Variants in ZNF91 observed in about 807,000 individuals in gnomAD.
ZNF91 encodes the protein zinc finger protein 91 (HPF7, HTF10).
Under a neutral mutation model 12.6 loss-of-function variants are expected in ZNF91, and 7 were observed. The observed-to-expected ratio is 0.55, with a 90% CI of 0.31 to 1.04. ZNF91 has a LOEUF of 1.04. ZNF91 is among the 50% of genes least tolerant of loss of function. The probability of loss-of-function intolerance (pLI) is 0.05; values close to 1 mark genes in which losing one functional copy is unlikely to be tolerated. For missense variants in ZNF91, 1,217 were observed against 1,385.4 expected, an observed-to-expected ratio of 0.88 and a Z score of 1.93; for synonymous variants, 453 against 462.6, an observed-to-expected ratio of 0.98 and a Z score of 0.27.
At chr19:23,384,766 G>C in intron 1 of ZNF91, 1 of 637,030 alleles carries the variant, frequency 1.6e-6, no homozygotes, top group East Asian at 2.8e-5. Context: ...TCAGCTCCCC[G>C]GGCATAGTAA....
At chr19:23,366,563 A>T (rs1410044765) in intron 3 of ZNF91, among the ~76,000 whole-genome samples, 1 of 152,222 alleles carries the variant, frequency 6.6e-6, no homozygotes, top group Admixed American at 6.5e-5. Flanking sequence ...CAGACTGTAT[A>T]AAAAGTCTGT....
At chr19:23,346,126 A>G (rs555183728) in intron 3 of ZNF91, among the ~76,000 whole-genome samples, 2 of 152,160 alleles carry the variant, frequency 1.3e-5, no homozygotes, top group Non-Finnish European at 2.9e-5. Flanking sequence ...TCCCTCACTG[A>G]TATCTCTCAA....
chr19:23,350,483 C>T (rs1968335501), intron 3 of ZNF91, among the ~76,000 whole-genome samples: 1 of 152,198 alleles, frequency 6.6e-6, no homozygotes, highest in Admixed American at 6.5e-5. Flanking sequence ...TGGATACCAA[C>T]CCGTCTCTCA....
intron 3 of ZNF91, among the ~76,000 whole-genome samples, chr19:23,366,108 C>T (rs893668024): frequency 2.0e-5 from 3 of 152,190 alleles, no homozygotes; most frequent in Admixed American, 6.5e-5. Flanking sequence ...GGGTGGTGGC[C>T]GGGCAGAGGG....
At chr19:23,378,612 T>C (rs962945920) in intron 1 of ZNF91, among the ~76,000 whole-genome samples, 1 of 152,216 alleles carries the variant, frequency 6.6e-6, no homozygotes, top group Non-Finnish European at 1.5e-5. Context: ...GATAAATAAG[T>C]ATTCTTAGCA....
At chr19:23,384,208 T>C (rs983709311) in intron 1 of ZNF91, among the ~76,000 whole-genome samples, 3 of 152,214 alleles carry the variant, frequency 2.0e-5, no homozygotes, top group Admixed American at 6.5e-5. Flanking sequence ...AGGAAAACCG[T>C]AGAGACTTGG....
At position 23,362,073 on chromosome 19, in the gene ZNF91, A is replaced by G. The variant is rs1968810662; in HGVS notation, c.906T>C (p.Ala302=). 4.3e-6 allele frequency: 7 copies of G among 1,612,432 alleles called. No homozygotes were observed. Among genetic ancestry groups the G allele is most frequent in the Non-Finnish European group, 5.1e-6 (6 of 1,179,484 alleles). ...TAGCAAGGGTTGAAGAATGGCTAAAAGCTTTGCCACATTCTTCACATTTGT... is the reference window on the plus strand; with the variant it reads ...TAGCAAGGGTTGAAGAATGGCTAAAGGCTTTGCCACATTCTTCACATTTGT... ...KPYKCEECGK[A]FSHSSTLAKH... Residue 302 remains alanine, a synonymous_variant, in exon 4 of 4, where the codon GCT becomes GCC. Coordinates refer to ENST00000300619, the MANE Select transcript of ZNF91 (RefSeq NM_003430.4).
chr19:23,372,865 C>T (rs1969341677), intron 3 of ZNF91, among the ~76,000 whole-genome samples: 1 of 152,206 alleles, frequency 6.6e-6, no homozygotes, highest in Admixed American at 6.5e-5. Flanking sequence ...GAAAGCCATG[C>T]TCATCCACAT....
intron 3 of ZNF91, among the ~76,000 whole-genome samples, chr19:23,343,888 A>G (rs1314541717): frequency 1.3e-5 from 2 of 152,160 alleles, no homozygotes; most frequent in African/African-American, 4.8e-5. Flanking sequence ...ATTAAATGTG[A>G]TTGTTTCTGC....
chr19:23,367,039 T>C (rs1441953157), intron 3 of ZNF91, among the ~76,000 whole-genome samples: 1 of 152,200 alleles, frequency 6.6e-6, no homozygotes, highest in Non-Finnish European at 1.5e-5. Flanking sequence ...ATGCCTATAA[T>C]CCCAACACAT....
At chr19:23,344,120 A>G (rs934675415) in intron 3 of ZNF91, among the ~76,000 whole-genome samples, 2 of 152,012 alleles carry the variant, frequency 1.3e-5, no homozygotes, top group South Asian at 4.1e-4. Context: ...TTTGAGATGG[A>G]GTCTCGTTCT....
intron 1 of ZNF91, among the ~76,000 whole-genome samples, chr19:23,319,908 A>G (rs1359870461): frequency 6.6e-6 from 1 of 152,188 alleles, no homozygotes; most frequent in East Asian, 1.9e-4. Context: ...AGGCTCAGGG[A>G]AAAAGGTAAG....
At position 23,382,956 on chromosome 19, in the gene ZNF91, T is replaced by G. The variant is rs983313697; in HGVS notation, c.31-8192A>C. Among the ~76,000 whole-genome samples, 3 of 152,292 alleles carry G rather than the reference T, an allele frequency of 2.0e-5. 1 individual carries two copies. ...TGGTATTATTTCTACTAAAACTATT[T>G]TAAGAAATTAAGAAAAAGTAACTTC... On this transcript the variant is annotated intron_variant, in intron 1 of 3. Transcript: ENST00000300619.
At position 23,374,388 on chromosome 19, in the gene ZNF91, C is replaced by CAAA. The variant is rs34706703; in HGVS notation, c.157+247_157+249dup. On this transcript the variant is annotated intron_variant, in intron 2 of 3. Transcript: ENST00000300619. ...GAAACCCCGTCTCTACTAAAAATAC[C>CAAA]AAAAAAAAAAAAAAAAAAAAAATTA... 2.4e-4 allele frequency among the ~76,000 whole-genome samples: 21 copies of CAAA among 88,222 alleles called. No homozygotes were observed. The East Asian group carries it at 3.7e-3, about 15-fold the overall frequency. The allele number at this position is 88,222 out of a possible 152,430, so 57.9% of individuals were successfully genotyped here.
intron 3 of ZNF91, among the ~76,000 whole-genome samples, chr19:23,305,661 A>G (rs1721835231): frequency 1.3e-5 from 2 of 152,144 alleles, no homozygotes; most frequent in South Asian, 4.1e-4. Flanking sequence ...ACTGGCCAAT[A>G]AGCTCAGCCC....
Position 23,359,390 on chromosome 19 carries a change from T to C in ZNF91, c.*13A>G. 1 of 930,992 alleles carries C rather than the reference T, an allele frequency of 1.1e-6. No individual in the cohort carries two copies. The highest frequency in any genetic ancestry group is 2.6e-5 in the East Asian group (1 of 37,764). The allele number at this position is 930,992 out of a possible 1,614,324, so 57.7% of individuals were successfully genotyped here. ...GGCGCCCGCCACCACGCCCGGCTAA[T>C]TTTTTGTATTTTTTAGTAGAGAAGG... On this transcript the variant is annotated 3_prime_UTR_variant, in exon 4 of 4. Coordinates refer to ENST00000300619, the MANE Select transcript of ZNF91 (RefSeq NM_003430.4).
chr19:23,348,321 G>A (rs745618946), intron 3 of ZNF91, among the ~76,000 whole-genome samples: 1 of 152,178 alleles, frequency 6.6e-6, no homozygotes, highest in Non-Finnish European at 1.5e-5. Context: ...ACCAGCTGAA[G>A]CCGTGGCAGA....
At chr19:23,306,669 T>C (rs577152317) in intron 3 of ZNF91, 1 of 152,370 alleles carries the variant, frequency 6.6e-6, no homozygotes, top group East Asian at 1.9e-4. Flanking sequence ...GAGAGCATTG[T>C]GAGATATCTC....
chr19:23,387,652 T>C (rs977366519), intron 1 of ZNF91, among the ~76,000 whole-genome samples: 6 of 152,110 alleles, frequency 3.9e-5, no homozygotes, highest in African/African-American at 9.7e-5. Context: ...AACAAGAGTA[T>C]TGCTTGGCCC....
Sources: allele counts gnomAD v4.1 joint callset (sites outside exome capture counted in the v4.1 genomes callset), GRCh38; gene constraint gnomAD v4.1.1; transcripts MANE v1.5; gene names NCBI Gene and HGNC (gene_info 2026-07-23, HGNC 2026-07-21).